Variants in KCNIP4 observed in about 807,000 individuals in gnomAD.
The protein encoded by KCNIP4 is Kv channel-interacting protein 4.
In KCNIP4, 12 loss-of-function variants were observed where a neutral mutation model predicts 34.0. The ratio of observed to expected loss-of-function variants is 0.35; its 90% confidence interval spans 0.23 to 0.57. The LOEUF is 0.57. Among genes scored for constraint, KCNIP4 ranks in the 20% least tolerant of loss-of-function variants. KCNIP4 has a pLI of 0.83. For synonymous variants in KCNIP4, 124 were observed against 102.2 expected, an observed-to-expected ratio of 1.21 and a Z score of -1.29; for missense variants, 238 against 311.7, an observed-to-expected ratio of 0.76 and a Z score of 1.78.
intron 1 of KCNIP4, among the ~76,000 whole-genome samples, chr4:21,132,381 T>C (rs11933147): frequency 0.23 from 34,721 of 152,190 alleles, 4,665 homozygotes; most frequent in African/African-American, 0.37. Flanking sequence ...GGAATGAATA[T>C]GCCGGATTAG....
At chr4:21,931,573 C>A (rs1406249633) in intron 1 of KCNIP4, among the ~76,000 whole-genome samples, 1 of 151,862 alleles carries the variant, frequency 6.6e-6, no homozygotes, top group African/African-American at 2.4e-5. Flanking sequence ...CCAGCTTCAT[C>A]CATGTCCCTA....
intron 1 of KCNIP4, among the ~76,000 whole-genome samples, chr4:21,029,730 C>G (rs2149761501): frequency 6.6e-6 from 1 of 152,276 alleles, no homozygotes; most frequent in African/African-American, 2.4e-5. Flanking sequence ...TCTATTTGCA[C>G]TGGTTGTTGA....
chr4:20,862,789 TA>T (rs1417137438), intron 2 of KCNIP4, among the ~76,000 whole-genome samples: 1 of 152,006 alleles, frequency 6.6e-6, no homozygotes, highest in African/African-American at 2.4e-5. Flanking sequence ...TATGCAGCCA[TA>T]AAAAAGAACA....
intron 1 of KCNIP4, among the ~76,000 whole-genome samples, chr4:21,041,771 G>A (rs1741983714): frequency 6.6e-6 from 1 of 152,156 alleles, no homozygotes; most frequent in South Asian, 2.1e-4. Flanking sequence ...GAGGGCATAA[G>A]CAGGCAGCAT....
At chr4:20,977,266 C>G (rs1230267244) in intron 1 of KCNIP4, among the ~76,000 whole-genome samples, 1 of 152,174 alleles carries the variant, frequency 6.6e-6, no homozygotes, top group East Asian at 1.9e-4. Context: ...GTTACCCAAT[C>G]ACAGCATGAC....
intron 1 of KCNIP4, among the ~76,000 whole-genome samples, chr4:21,913,375 T>A (rs1177170368): frequency 6.9e-6 from 1 of 145,002 alleles, no homozygotes; most frequent in Admixed American, 7.1e-5. Context: ...TTTTTTTTTT[T>A]AAAGGTATTT....
chr4:20,924,006 A>G (rs188916800), intron 1 of KCNIP4, among the ~76,000 whole-genome samples: 2 of 152,296 alleles, frequency 1.3e-5, no homozygotes, highest in African/African-American at 4.8e-5. Context: ...CCTATCCCAT[A>G]CAGAGAGTAC....
At chr4:21,076,481 G>A (rs1745495690) in intron 1 of KCNIP4, among the ~76,000 whole-genome samples, 1 of 151,850 alleles carries the variant, frequency 6.6e-6, no homozygotes, top group Non-Finnish European at 1.5e-5. Flanking sequence ...GTGAATTCTT[G>A]GCAAGGAACC....
chr4:20,995,072 C>A (rs537809819), intron 1 of KCNIP4, among the ~76,000 whole-genome samples: 1 of 152,166 alleles, frequency 6.6e-6, no homozygotes, highest in Non-Finnish European at 1.5e-5. Flanking sequence ...TATATTTACA[C>A]TTTTCCAGGC....
chr4:21,045,601 C>T (rs1742362585), intron 1 of KCNIP4, among the ~76,000 whole-genome samples: 1 of 152,108 alleles, frequency 6.6e-6, no homozygotes, highest in Admixed American at 6.6e-5. Flanking sequence ...CCTCTTGATC[C>T]CACTGAACGT....
chr4:21,529,728 G>A (rs1430701693), intron 1 of KCNIP4, among the ~76,000 whole-genome samples: 3 of 152,054 alleles, frequency 2.0e-5, no homozygotes, highest in East Asian at 3.9e-4. Flanking sequence ...GTCAAGAGAG[G>A]CATTATCATC....
chr4:20,978,393 A>T (rs764077968), intron 1 of KCNIP4, among the ~76,000 whole-genome samples: 1 of 152,234 alleles, frequency 6.6e-6, no homozygotes, highest in Admixed American at 6.5e-5. Context: ...AGCAAATGGC[A>T]TTCAGGTCAT....
chr4:21,149,390 T>C (rs941033830), intron 1 of KCNIP4, among the ~76,000 whole-genome samples: 2 of 152,020 alleles, frequency 1.3e-5, no homozygotes, highest in African/African-American at 4.8e-5. Flanking sequence ...TCCTGGAAAA[T>C]GAATTTTAAA....
At chr4:21,712,661 G>T (rs570660870) in intron 1 of KCNIP4, among the ~76,000 whole-genome samples, 21 of 152,006 alleles carry the variant, frequency 1.4e-4, no homozygotes, top group African/African-American at 5.1e-4. Context: ...CTTTTATATT[G>T]CTGCAGAAAC....
chr4:21,387,164 TTGA>T (rs1308752618), intron 1 of KCNIP4, among the ~76,000 whole-genome samples: 1 of 152,204 alleles, frequency 6.6e-6, no homozygotes, highest in Non-Finnish European at 1.5e-5. Flanking sequence ...TCACAAATCC[TTGA>T]TGAACTGCTC....
intron 2 of KCNIP4, among the ~76,000 whole-genome samples, chr4:20,862,352 T>G (rs1722292582): frequency 2.0e-5 from 3 of 152,078 alleles, no homozygotes; most frequent in African/African-American, 7.2e-5. Context: ...AAACAAAAAT[T>G]ATACTGCCAG....
chr4:21,883,984 G>A (rs1344943546), intron 1 of KCNIP4, among the ~76,000 whole-genome samples: 1 of 152,058 alleles, frequency 6.6e-6, no homozygotes, highest in Admixed American at 6.6e-5. Context: ...ATCATCACTT[G>A]CTGGGAATAT....
At chr4:21,056,353 C>A (rs1436310871) in intron 1 of KCNIP4, among the ~76,000 whole-genome samples, 1 of 152,146 alleles carries the variant, frequency 6.6e-6, no homozygotes, top group Non-Finnish European at 1.5e-5. Flanking sequence ...TGTTCTACTT[C>A]CTTACTCTAC....
intron 3 of KCNIP4, among the ~76,000 whole-genome samples, chr4:20,802,103 A>ATATATATGCTACATATATGC (rs1714317254): frequency 1.6e-5 from 2 of 127,848 alleles, no homozygotes; most frequent in South Asian, 2.8e-4. Context: ...CATATTGCAT[A>ATATATATGCTACATATATGC]TATATATGCT....
Sources: allele counts gnomAD v4.1 joint callset (sites outside exome capture counted in the v4.1 genomes callset), GRCh38; gene constraint gnomAD v4.1.1; transcripts MANE v1.5; gene names NCBI Gene and HGNC (gene_info 2026-07-23, HGNC 2026-07-21).